The following KIF9 variants were observed in gnomAD, a reference collection of about 807,000 sequenced individuals.
The protein encoded by KIF9 is kinesin-like protein KIF9.
A neutral mutation model predicts 94.8 loss-of-function variants in KIF9; 68 were observed. The observed-to-expected ratio is 0.72, with a 90% confidence interval of 0.59 to 0.88. The LOEUF (loss-of-function observed/expected upper bound fraction) is 0.88, where lower values mean the gene tolerates loss of function less well. KIF9 is among the 40% of genes least tolerant of loss of function. KIF9 has a pLI of 0.00. For missense variants in KIF9, 882 were observed against 982.5 expected (o/e 0.90, Z 1.37); for synonymous variants, 343 against 362.1 (o/e 0.95, Z 0.60).
intron 10 of KIF9, 105 bp downstream of exon 10, chr3:47,257,378 G>C: frequency 1.0e-6 from 1 of 974,684 alleles, no homozygotes; most frequent in East Asian, 2.4e-5. Flanking sequence ...GGCTGCATGG[G>C]GATCTTTGGT....
At chr3:47,281,215 C>T in intron 1 of KIF9, 1 of 566,986 alleles carries the variant, frequency 1.8e-6, no homozygotes, top group East Asian at 2.9e-5. Context: ...TCCCAAGGGG[C>T]ATATGATGTC....
At chr3:47,282,162 T>C in intron 1 of KIF9, 19 of 982,024 alleles carry the variant, frequency 1.9e-5, no homozygotes, top group Non-Finnish European at 2.3e-5. Flanking sequence ...GGGCTCCGAC[T>C]GGTGATCCCA....
rs1019073339 is a variant in KIF9, at chr3:47,282,553, T to C, written c.-64A>G. On this transcript the variant is annotated 5_prime_UTR_variant, in exon 1 of 21. Coordinates refer to ENST00000684063, the MANE Select transcript of KIF9 (RefSeq NM_182902.4). ...CTGCCGCAACCGAAACCACCTGCACTCCCCACGCGGGGCTGCCTGGCTGTG... is the reference window on the plus strand; with the variant it reads ...CTGCCGCAACCGAAACCACCTGCACCCCCCACGCGGGGCTGCCTGGCTGTG... 3.0e-6 allele frequency: 3 copies of C among 1,013,722 alleles called. No individual in the cohort carries two copies. Among genetic ancestry groups the C allele is most frequent in the Non-Finnish European group, 3.5e-6 (3 of 846,312 alleles). 62.8% of individuals were successfully genotyped at this position (1,013,722 alleles called of 1,614,324 possible).
In KIF9 at chr3:47,282,529, T is replaced by C. The variant is rs1425433156; in HGVS notation, c.-40A>G. 1.0e-6 allele frequency: 1 copy of C among 997,604 alleles called. No homozygotes were observed. The highest frequency in any genetic ancestry group is 1.2e-6 in the Non-Finnish European group (1 of 836,872). The allele number at this position is 997,604 out of a possible 1,614,324, so 61.8% of individuals were successfully genotyped here. On this transcript the variant is annotated 5_prime_UTR_variant, in exon 1 of 21. Transcript: ENST00000684063. ...GGCAGCGACGCTCCCGGGACGCGAC[T>C]GCCGCAACCGAAACCACCTGCACTC...
chr3:47,251,736 G>A (rs1405412005), intron 10 of KIF9, among the ~76,000 whole-genome samples: 1 of 152,172 alleles, frequency 6.6e-6, no homozygotes, highest in East Asian at 1.9e-4. Flanking sequence ...CTTGGGGCAG[G>A]CAGTTTTCCG....
intron 9 of KIF9, 66 bp downstream of exon 9, chr3:47,264,220 C>T: frequency 3.2e-6 from 4 of 1,249,810 alleles, no homozygotes; most frequent in Non-Finnish European, 2.4e-6. Context: ...CAGCCTGGAG[C>T]CTTACCCTGC....
intron 10 of KIF9, among the ~76,000 whole-genome samples, chr3:47,249,222 C>T (rs568603345): frequency 4.6e-5 from 7 of 151,174 alleles, no homozygotes; most frequent in Admixed American, 1.3e-4. Context: ...CTTGGCTCAC[C>T]GCAACCTCTG....
At chr3:47,241,843 A>AATATATAT (rs372935276) in intron 16 of KIF9, among the ~76,000 whole-genome samples, 1 of 125,994 alleles carries the variant, frequency 7.9e-6, no homozygotes, top group Non-Finnish European at 1.7e-5. Context: ...ACATATATAA[A>AATATATAT]ATATATATAT....
At chr3:47,281,275 G>A (rs1315666144) in intron 1 of KIF9, 2 of 459,622 alleles carry the variant, frequency 4.4e-6, no homozygotes, top group Admixed American at 3.8e-5. Context: ...CTTCCAGGAG[G>A]ACACTTGGTT....
At chr3:47,260,698 A>G (rs1700912868) in intron 9 of KIF9, among the ~76,000 whole-genome samples, 1 of 152,218 alleles carries the variant, frequency 6.6e-6, no homozygotes, top group South Asian at 2.1e-4. Flanking sequence ...ATGGCCACAG[A>G]GCTGGTCTGT....
Position 47,282,708 on chromosome 3 carries a change from G to A in KIF9, c.-219C>T. ...GCCGAATCGGGAAGACGAGAGATGG[G>A]GCCGATTGATCTAGAAAGACTTCGG... On this transcript the variant is annotated 5_prime_UTR_variant, in exon 1 of 21. Coordinates refer to ENST00000684063, the MANE Select transcript of KIF9 (RefSeq NM_182902.4). The A allele has an allele frequency of 7.3e-7, 1 of 1,378,536 alleles. No homozygotes were observed. The highest frequency in any genetic ancestry group is 9.4e-7 in the Non-Finnish European group (1 of 1,062,750). The allele number at this position is 1,378,536 out of a possible 1,614,324, so 85.4% of individuals were successfully genotyped here. A position where few individuals can be genotyped will look rare whatever the true frequency, so the allele number is the denominator to read the frequency against.
At chr3:47,267,855 ATTTAT>A (rs1382548164) in intron 5 of KIF9, among the ~76,000 whole-genome samples, 3 of 136,594 alleles carry the variant, frequency 2.2e-5, no homozygotes, top group Non-Finnish European at 4.8e-5. Context: ...TTATATTTTT[ATTTAT>A]TTTGTGTTCT....
intron 18 of KIF9, 76 bp downstream of exon 18, chr3:47,236,367 T>G: frequency 6.6e-7 from 1 of 1,511,152 alleles, no homozygotes; most frequent in Non-Finnish European, 9.1e-7. Flanking sequence ...TGAGGGTGCT[T>G]CCAGAACTCA....
At chr3:47,235,361 C>G (rs1698941870) in intron 20 of KIF9, 152 bp downstream of exon 20, 1 of 639,052 alleles carries the variant, frequency 1.6e-6, no homozygotes, top group Admixed American at 2.6e-5. Flanking sequence ...CAATTGCAGT[C>G]TAGTTGGCAG....
At chr3:47,262,258 C>A (rs1350248089) in intron 9 of KIF9, among the ~76,000 whole-genome samples, 1 of 151,416 alleles carries the variant, frequency 6.6e-6, no homozygotes, top group Non-Finnish European at 1.5e-5. Flanking sequence ...TGGGTTCAAC[C>A]ATGCGGGGTT....
At chr3:47,241,770 T>C (rs1042771059) in intron 16 of KIF9, among the ~76,000 whole-genome samples, 7 of 144,294 alleles carry the variant, frequency 4.9e-5, no homozygotes, top group Non-Finnish European at 9.0e-5. Flanking sequence ...CATATATACG[T>C]ATATATACAT....
intron 10 of KIF9, among the ~76,000 whole-genome samples, chr3:47,256,149 A>G (rs1700571633): frequency 1.3e-5 from 2 of 152,196 alleles, no homozygotes; most frequent in Non-Finnish European, 2.9e-5. Flanking sequence ...GCCTCCCAAA[A>G]GGCCGAGATT....
rs755239551 is a variant in KIF9, at chr3:47,271,244, A to G, written c.584T>C (p.Leu195Pro). The G allele has an allele frequency of 6.2e-7, 1 of 1,611,464 alleles. No individual in the cohort carries two copies. The highest frequency in any genetic ancestry group is 8.5e-7 in the Non-Finnish European group (1 of 1,178,016). ...TSQEEDAFSLLFEGETNRIIA... is the reference protein window; with the variant it reads ...TSQEEDAFSLPFEGETNRIIA... ...CAGGTTTTATTATCTCACCTCAAAA[A>G]GGAGGCTGAATGCATCCTCCTCCTG... Residue 195 changes from leucine to proline, a missense_variant, in exon 5 of 21, where the codon CTT becomes CCT. By Grantham distance (98) the Leu-to-Pro change is moderately conservative (BLOSUM62 -3). Coordinates refer to ENST00000684063, the MANE Select transcript of KIF9 (RefSeq NM_182902.4).
intron 19 of KIF9, 54 bp from the exon 20 acceptor site, chr3:47,235,671 GC>G (rs1698969085): frequency 3.5e-6 from 5 of 1,417,984 alleles, no homozygotes; most frequent in Non-Finnish European, 5.0e-6. Flanking sequence ...CCCTAGCAGA[GC>G]CTGTGGTGTG....
Sources: gnomAD v4.1 joint callset for allele counts (sites outside exome capture counted in the v4.1 genomes callset) on GRCh38, gnomAD v4.1.1 for gene constraint, MANE v1.5 for transcripts, NCBI Gene and HGNC (gene_info 2026-07-23, HGNC 2026-07-21) for gene names.